MNAT1: variants seen among roughly 807,000 people sequenced by gnomAD.
MNAT1 encodes MNAT1 component of CDK activating kinase, also known as CDK-activating kinase assembly factor MAT1.
A neutral mutation model predicts 42.0 loss-of-function variants in MNAT1; 43 were observed. The observed-to-expected ratio is 1.02, with a 90% CI of 0.80 to 1.32. MNAT1 has a LOEUF of 1.32. MNAT1 is among the 40% of genes most tolerant of loss of function. The pLI is 0.00. For missense variants in MNAT1, 306 were observed against 350.4 expected (o/e 0.87, Z 1.01); for synonymous variants, 118 against 120.0 (o/e 0.98, Z 0.11).
chr14:60,896,706 C>T (rs145813390), intron 7 of MNAT1, among the ~76,000 whole-genome samples: 1 of 150,560 alleles, frequency 6.6e-6, no homozygotes, highest in African/African-American at 2.4e-5. Context: ...AGGCTGGTCT[C>T]GAACTCTGAC....
chr14:60,763,246 T>C (rs1236619783), intron 1 of MNAT1, among the ~76,000 whole-genome samples: 2 of 152,190 alleles, frequency 1.3e-5, no homozygotes, highest in African/African-American at 4.8e-5. Flanking sequence ...AATTAATTTA[T>C]AGATGAAATG....
At chr14:60,886,834 T>C (rs979017160) in intron 7 of MNAT1, among the ~76,000 whole-genome samples, 3 of 152,156 alleles carry the variant, frequency 2.0e-5, no homozygotes, top group Non-Finnish European at 4.4e-5. Flanking sequence ...ATTTTACTTC[T>C]TGATTTCCTA....
At chr14:60,864,952 C>T (rs930579227) in intron 6 of MNAT1, among the ~76,000 whole-genome samples, 1 of 151,902 alleles carries the variant, frequency 6.6e-6, no homozygotes, top group African/African-American at 2.4e-5. Flanking sequence ...AACAACTACT[C>T]CTTCTGTTGT....
intron 6 of MNAT1, among the ~76,000 whole-genome samples, chr14:60,868,011 C>A (rs922500633): frequency 2.0e-5 from 3 of 152,076 alleles, no homozygotes; most frequent in Non-Finnish European, 4.4e-5. Flanking sequence ...GCTGACATCA[C>A]CCTATAATGA....
chr14:60,939,700 T>C (rs149339296), intron 7 of MNAT1, among the ~76,000 whole-genome samples: 27 of 152,344 alleles, frequency 1.8e-4, no homozygotes, highest in African/African-American at 5.8e-4. Flanking sequence ...GAAAAGAATG[T>C]ATATTCTGTT....
chr14:60,787,705 A>G (rs142276278), intron 1 of MNAT1, among the ~76,000 whole-genome samples: 1 of 152,194 alleles, frequency 6.6e-6, no homozygotes, highest in African/African-American at 2.4e-5. Flanking sequence ...TCATTTCAAC[A>G]GTGTTCACAG....
chr14:60,943,053 C>CCTT lies in MNAT1; in HGVS notation c.810-25176_810-25175insCTT, dbSNP rs1555338078. 1.9e-4 allele frequency among the ~76,000 whole-genome samples: 10 copies of CCTT among 53,102 alleles called. 1 individual carries two copies. In the East Asian group the frequency reaches 7.3e-3, roughly 39 times the overall value. 34.8% of individuals were successfully genotyped at this position (53,102 alleles called of 152,430 possible). On this transcript the variant is annotated intron_variant, in intron 7 of 7. Coordinates refer to ENST00000261245, the MANE Select transcript of MNAT1 (RefSeq NM_002431.4). ...GTGTGTGTGTGTGTGTGTGTGTGCG[C>CCTT]TTTTTTTTTTTTTTTTTTGAGACGG...
At chr14:60,942,051 C>T (rs2036175728) in intron 7 of MNAT1, among the ~76,000 whole-genome samples, 1 of 137,596 alleles carries the variant, frequency 7.3e-6, no homozygotes, top group Admixed American at 7.4e-5. Context: ...ATGAAAGCTG[C>T]TTCTCTATTC....
Position 60,930,204 on chromosome 14 carries a change from T to TC in MNAT1, c.810-38024dup, listed in dbSNP as rs1379151892. On this transcript the variant is annotated intron_variant, in intron 7 of 7. Coordinates refer to ENST00000261245, the MANE Select transcript of MNAT1 (RefSeq NM_002431.4). ...TTTATTACTAAAGATTCTTCTTCCG[T>TC]CTTTATTATTATTATTATTATTATT... Among the ~76,000 whole-genome samples, 687 of 120,380 alleles carry TC rather than the reference T, an allele frequency of 5.7e-3. 5 individuals carry two copies. Among genetic ancestry groups the TC allele is most frequent in the African/African-American group, 0.02 (653 of 33,364 alleles). 79.0% of individuals were successfully genotyped at this position (120,380 alleles called of 152,430 possible). A position where few individuals can be genotyped will look rare whatever the true frequency, so the allele number is the denominator to read the frequency against.
chr14:60,747,186 A>T (rs190409674), intron 1 of MNAT1, among the ~76,000 whole-genome samples: 38 of 151,462 alleles, frequency 2.5e-4, no homozygotes, highest in Non-Finnish European at 4.6e-4. Context: ...GGGTTTCACC[A>T]TGTTAGCCAG....
rs1348113441 is a variant in MNAT1 at position 60,804,720 on chromosome 14, T to G, written c.317-3605T>G. ...TAATTTTAAAAGTTTTTAATTTTAT[T>G]TTTTTGGTAGAGATGGGGCCTCATG... On this transcript the variant is annotated intron_variant, in intron 3 of 7. Transcript: ENST00000261245. Among the ~76,000 whole-genome samples the G allele has an allele frequency of 2.6e-5, 4 of 152,082 alleles. No homozygotes were observed. The East Asian group carries it at 7.7e-4, about 29-fold the overall frequency.
At chr14:60,793,713 G>T (rs558501054) in intron 1 of MNAT1, among the ~76,000 whole-genome samples, 2 of 151,830 alleles carry the variant, frequency 1.3e-5, no homozygotes, top group East Asian at 3.9e-4. Flanking sequence ...TATGTATTTT[G>T]TAAATATGTA....
intron 7 of MNAT1, among the ~76,000 whole-genome samples, chr14:60,957,963 G>A (rs1040530400): frequency 6.6e-5 from 10 of 151,936 alleles, no homozygotes; most frequent in African/African-American, 2.2e-4. Flanking sequence ...CCAACCTCCC[G>A]AGTAGCTGGG....
At chr14:60,894,622 T>G (rs1021772502) in intron 7 of MNAT1, among the ~76,000 whole-genome samples, 1 of 152,124 alleles carries the variant, frequency 6.6e-6, no homozygotes, top group Non-Finnish European at 1.5e-5. Context: ...TGTTCTTACT[T>G]TTCCCAAGTT....
At chr14:60,955,743 CT>C (rs1266280115) in intron 7 of MNAT1, among the ~76,000 whole-genome samples, 4 of 152,110 alleles carry the variant, frequency 2.6e-5, no homozygotes, top group Non-Finnish European at 5.9e-5. Flanking sequence ...ATAATTCAGT[CT>C]TGGTAGGTTG....
chr14:60,790,517 C>A (rs1466400048), intron 1 of MNAT1, among the ~76,000 whole-genome samples: 1 of 152,098 alleles, frequency 6.6e-6, no homozygotes, highest in Non-Finnish European at 1.5e-5. Flanking sequence ...TCGACTTGTC[C>A]CACCTTACTG....
intron 7 of MNAT1, among the ~76,000 whole-genome samples, chr14:60,939,497 G>T (rs545150399): frequency 1.2e-4 from 19 of 152,304 alleles, no homozygotes; most frequent in African/African-American, 4.1e-4. Context: ...GTACCCAGTA[G>T]TCATTCAGGA....
intron 4 of MNAT1, chr14:60,808,787 A>G (rs1305942706): frequency 6.5e-6 from 1 of 154,046 alleles, no homozygotes; most frequent in Admixed American, 6.5e-5. Flanking sequence ...TAATTTCTCT[A>G]AAGGAGAGAG....
At chr14:60,851,633 A>C (rs2033822404) in intron 6 of MNAT1, among the ~76,000 whole-genome samples, 1 of 152,152 alleles carries the variant, frequency 6.6e-6, no homozygotes, top group Non-Finnish European at 1.5e-5. Context: ...TGCTGCACCT[A>C]TCAACCAATC....
Sources: gnomAD v4.1 joint callset for allele counts (sites outside exome capture counted in the v4.1 genomes callset) on GRCh38, gnomAD v4.1.1 for gene constraint, MANE v1.5 for transcripts, NCBI Gene and HGNC (gene_info 2026-07-23, HGNC 2026-07-21) for gene names.